CLVS1: variants seen among roughly 807,000 people sequenced by gnomAD.
CLVS1 encodes the protein clavesin 1.
Under a neutral mutation model 33.1 loss-of-function variants are expected in CLVS1, and 10 were observed. That is an observed-to-expected ratio of 0.30 (90% CI 0.19 to 0.51). The LOEUF is 0.51. Among genes scored for constraint, CLVS1 ranks in the 20% least tolerant of loss-of-function variants. CLVS1 has a pLI of 0.97. For missense variants in CLVS1, 343 were observed against 433.4 expected (o/e 0.79, Z 1.85); for synonymous variants, 163 against 166.1 (o/e 0.98, Z 0.14).
At chr8:61,475,047 T>G (rs918517969) in intron 5 of CLVS1, among the ~76,000 whole-genome samples, 1 of 152,088 alleles carries the variant, frequency 6.6e-6, no homozygotes, top group Non-Finnish European at 1.5e-5. Flanking sequence ...ACATGCAGGG[T>G]TTGGTTTTTT....
chr8:61,477,531 G>T (rs1367358843), intron 5 of CLVS1, among the ~76,000 whole-genome samples: 1 of 152,188 alleles, frequency 6.6e-6, no homozygotes, highest in Admixed American at 6.5e-5. Context: ...TCTTGGGAGG[G>T]TGTATGTGTC....
chr8:61,182,226 C>G (rs1807252608), intron 2 of CLVS1, among the ~76,000 whole-genome samples: 1 of 152,096 alleles, frequency 6.6e-6, no homozygotes, highest in African/African-American at 2.4e-5. Context: ...ACCATAAAAA[C>G]CCTAGAAGAA....
chr8:61,116,784 T>C (rs558392755), intron 1 of CLVS1, among the ~76,000 whole-genome samples: 56 of 141,962 alleles, frequency 3.9e-4, no homozygotes, highest in Non-Finnish European at 6.8e-4. Flanking sequence ...CCTTGTAGTA[T>C]AGTTTGAAGT....
At chr8:60,982,187 C>A in the CLVS1 span, among the ~76,000 whole-genome samples, 1 of 152,176 alleles carries the variant, frequency 6.6e-6, no homozygotes, top group Admixed American at 6.5e-5. Context: ...CTAATTAAAT[C>A]ACAATAAAAA....
intron 1 of CLVS1, among the ~76,000 whole-genome samples, chr8:61,121,494 G>A (rs1302940147): frequency 6.6e-6 from 1 of 152,056 alleles, no homozygotes; most frequent in African/African-American, 2.4e-5. Context: ...TGCGTGTATT[G>A]GAATATATTC....
Position 61,500,296 on chromosome 8 carries a change from G to A in CLVS1, c.*754G>A, listed in dbSNP as rs1177389109. 6.6e-6 allele frequency: 1 copy of A among 152,210 alleles called. No individual in the cohort carries two copies. Among genetic ancestry groups the A allele is most frequent in the Non-Finnish European group, 1.5e-5 (1 of 68,036 alleles). The allele number at this position is 152,210 out of a possible 1,614,324, so 9.4% of individuals were successfully genotyped here. A position where few individuals can be genotyped will look rare whatever the true frequency, so the allele number is the denominator to read the frequency against. ...TCAAAAGCCCATTAGTGCAGCATGT[G>A]TCTGCAGAGGAGATGTCTCATGAAA... On this transcript the variant is annotated 3_prime_UTR_variant, in exon 6 of 6. Coordinates refer to ENST00000325897, the MANE Select transcript of CLVS1 (RefSeq NM_173519.3).
At chr8:60,994,320 T>A in the CLVS1 span, among the ~76,000 whole-genome samples, 2 of 152,310 alleles carry the variant, frequency 1.3e-5, no homozygotes, top group South Asian at 4.1e-4. Flanking sequence ...TATCTCCAAA[T>A]ACAGTCACAC....
chr8:61,246,371 T>C (rs1300430942), intron 2 of CLVS1, among the ~76,000 whole-genome samples: 1 of 151,596 alleles, frequency 6.6e-6, no homozygotes. Flanking sequence ...GGTTGCACCA[T>C]GTTGGTCAGG....
rs1462570116 is a variant in CLVS1, at chr8:61,198,930, GAT to G, written c.-152+67071_-152+67072del. ...TTTCCAAGGGTGAGTAGTATTCTGT[GAT>G]GTATATGTACTACATTTTCTTTATC... On this transcript the variant is annotated intron_variant, in intron 2 of 2. Coordinates refer to the CLVS1 transcript ENST00000522621. 1.2e-4 allele frequency among the ~76,000 whole-genome samples: 19 copies of G among 152,148 alleles called. 1 individual carries two copies. The highest frequency in any genetic ancestry group is 4.4e-5 in the Non-Finnish European group (3 of 68,026).
At chr8:61,315,017 A>G (rs1236639121) in intron 2 of CLVS1, among the ~76,000 whole-genome samples, 1 of 152,214 alleles carries the variant, frequency 6.6e-6, no homozygotes, top group East Asian at 1.9e-4. Context: ...ATGGACCAGC[A>G]GGCAAGCATG....
intron 2 of CLVS1, among the ~76,000 whole-genome samples, chr8:61,312,442 CAG>C (rs1025517241): frequency 6.6e-6 from 1 of 152,174 alleles, no homozygotes. Flanking sequence ...AAAGTAAAGA[CAG>C]GGTAAATTTT....
chr8:61,122,567 AAAAC>A (rs1805893479), intron 1 of CLVS1, among the ~76,000 whole-genome samples: 2 of 91,838 alleles, frequency 2.2e-5, no homozygotes, highest in Admixed American at 1.3e-4. Context: ...CTATATTAAG[AAAAC>A]ACACACACAC....
chr8:60,995,957 A>G, the CLVS1 span, among the ~76,000 whole-genome samples: 18,986 of 152,164 alleles, frequency 0.12, 1,308 homozygotes, highest in Admixed American at 0.15. Context: ...GTGGGAATTG[A>G]ACAATGAGAT....
At chr8:61,452,796 C>A (rs1415404211) in intron 3 of CLVS1, among the ~76,000 whole-genome samples, 1 of 152,156 alleles carries the variant, frequency 6.6e-6, no homozygotes, top group Non-Finnish European at 1.5e-5. Context: ...ATATTTAGCA[C>A]CTTTCTACTC....
At chr8:61,002,327 GTTTTTTTT>G in the CLVS1 span, among the ~76,000 whole-genome samples, 3 of 98,818 alleles carry the variant, frequency 3.0e-5, no homozygotes, top group African/African-American at 1.2e-4. Flanking sequence ...ATGCTTGCTT[GTTTTTTTT>G]TTTTTTTTTT....
At chr8:61,415,810 A>G (rs1815406511) in intron 3 of CLVS1, among the ~76,000 whole-genome samples, 1 of 152,200 alleles carries the variant, frequency 6.6e-6, no homozygotes, top group African/African-American at 2.4e-5. Flanking sequence ...GTGATCCCAA[A>G]TGGTGCACAA....
chr8:61,073,212 AT>A (rs1804832483), intron 1 of CLVS1, among the ~76,000 whole-genome samples: 1 of 152,226 alleles, frequency 6.6e-6, no homozygotes, highest in South Asian at 2.1e-4. Flanking sequence ...AGAAAAAAAA[AT>A]TACAATCTAC....
At chr8:61,465,386 G>C (rs942906891) in intron 5 of CLVS1, 3 of 152,128 alleles carry the variant, frequency 2.0e-5, no homozygotes, top group Admixed American at 6.5e-5. Context: ...TATCCACGTA[G>C]AGTAAAAGCC....
chr8:61,149,771 A>C (rs1245859766), intron 2 of CLVS1, among the ~76,000 whole-genome samples: 1 of 152,112 alleles, frequency 6.6e-6, no homozygotes, highest in East Asian at 1.9e-4. Context: ...GGATATTTTC[A>C]AAGAGAGTAT....
Sources: gnomAD v4.1 joint callset for allele counts (sites outside exome capture counted in the v4.1 genomes callset) on GRCh38, gnomAD v4.1.1 for gene constraint, MANE v1.5 for transcripts, NCBI Gene and HGNC (gene_info 2026-07-23, HGNC 2026-07-21) for gene names.